Variants in ACSS1 observed in about 807,000 individuals in gnomAD.
ACSS1 encodes acetyl-coenzyme A synthetase 2-like, mitochondrial.
In ACSS1, 42 loss-of-function variants were observed where a neutral mutation model predicts 75.3. That is an observed-to-expected ratio of 0.56 (90% CI 0.44 to 0.72). The LOEUF is 0.72. ACSS1 is among the 30% of genes least tolerant of loss of function. The pLI is 0.00. For synonymous variants in ACSS1, 380 were observed against 376.8 expected, an observed-to-expected ratio of 1.01 and a Z score of -0.10; for missense variants, 782 against 935.7, an observed-to-expected ratio of 0.84 and a Z score of 2.14.
intron 8 of ACSS1, 68 bp from the exon 9 acceptor site, chr20:25,014,141 G>C (rs2088474106): frequency 7.5e-7 from 1 of 1,329,964 alleles, no homozygotes; most frequent in Non-Finnish European, 1.0e-6. Flanking sequence ...TCCAGAGTGG[G>C]TGGTAGGTGG....
intron 3 of ACSS1, among the ~76,000 whole-genome samples, chr20:25,026,975 A>G (rs1406530815): frequency 6.6e-6 from 1 of 152,244 alleles, no homozygotes; most frequent in Non-Finnish European, 1.5e-5. Context: ...GTTTCAAACA[A>G]TCTCAACAGA....
chr20:25,013,811 C>T (rs2088465514), intron 9 of ACSS1, 149 bp from the exon 10 acceptor site: 2 of 1,328,400 alleles, frequency 1.5e-6, no homozygotes, highest in Admixed American at 2.2e-5. Context: ...GGCCACTACC[C>T]AGTGCATGAT....
In ACSS1 at chr20:25,057,999, C is replaced by T; in HGVS notation, c.104G>A (p.Arg35His). 6.7e-7 allele frequency: 1 copy of T among 1,499,088 alleles called. No homozygotes were observed. The allele number at this position is 1,499,088 out of a possible 1,614,324, so 92.9% of individuals were successfully genotyped here. A position where few individuals can be genotyped will look rare whatever the true frequency, so the allele number is the denominator to read the frequency against. ...ARPPCGVSAP[R>H]RAASGPSGSA... ...GCCCGAGGGTCCCGAGGCCGCCCTG[C>T]GCGGCGCGCTCACCCCGCACGGCGG... is the stretch of plus-strand genomic sequence containing the variant. Residue 35 changes from arginine (R) to histidine (H), a missense_variant, in exon 1 of 14, where the codon CGC (arginine) becomes CAC (histidine). This residue lies in a region of ACSS1 where 377 missense variants were observed against 383.1 expected (regional missense o/e 0.98). Coordinates refer to ENST00000323482, the MANE Select transcript of ACSS1 (RefSeq NM_032501.4).
chr20:25,013,769 T>A, intron 9 of ACSS1, 107 bp from the exon 10 acceptor site: 1 of 1,458,330 alleles, frequency 6.9e-7, no homozygotes. Flanking sequence ...CTCTCCCCTC[T>A]GCCCCTGAGG....
chr20:25,027,654 G>C (rs2088744905), intron 3 of ACSS1, among the ~76,000 whole-genome samples: 1 of 151,804 alleles, frequency 6.6e-6, no homozygotes, highest in South Asian at 2.1e-4. Flanking sequence ...AAAACCCACA[G>C]CTAACATCAT....
Position 25,013,524 on chromosome 20 carries a change from C to A in ACSS1, c.1579+12G>T. 6.3e-7 allele frequency: 1 copy of A among 1,581,426 alleles called. No individual in the cohort carries two copies. Among genetic ancestry groups the A allele is most frequent in the Non-Finnish European group, 8.6e-7 (1 of 1,157,974 alleles). On this transcript the variant is annotated intron_variant, in intron 10 of 13. Coordinates refer to ENST00000323482, the MANE Select transcript of ACSS1 (RefSeq NM_032501.4). ...TGAAAAGGAATGAGAGGGTCCCTGACAGCCTGCTCACCTGGGTAGGCCTTG... is the reference window on the plus strand; with the variant it reads ...TGAAAAGGAATGAGAGGGTCCCTGAAAGCCTGCTCACCTGGGTAGGCCTTG...
At chr20:25,045,551 CG>C (rs113506528) in intron 2 of ACSS1, among the ~76,000 whole-genome samples, 3 of 152,352 alleles carry the variant, frequency 2.0e-5, no homozygotes, top group Admixed American at 6.5e-5. Context: ...ACCAGCCCCA[CG>C]GGGTTTCTTT....
chr20:25,043,468 G>A (rs112266070), intron 2 of ACSS1, among the ~76,000 whole-genome samples: 241 of 152,298 alleles, frequency 1.6e-3, no homozygotes, highest in African/African-American at 5.6e-3. Flanking sequence ...GCAGGCCTCC[G>A]CATCAGGTGC....
In ACSS1 at chr20:25,013,679, T is replaced by C; in HGVS notation, c.1453-17A>G. On this transcript the variant is annotated splice_polypyrimidine_tract_variant and intron_variant, in intron 9 of 13. Transcript: ENST00000323482. ...GACGCTGCCCTGTAGACCCCGGACA[T>C]GCAAGTGAGACAGGGCAGGCTCTGG... is the stretch of plus-strand genomic sequence containing the variant. 5 of 1,586,540 alleles carry C rather than the reference T, an allele frequency of 3.2e-6. No individual in the cohort carries two copies. The highest frequency in any genetic ancestry group is 3.4e-6 in the Non-Finnish European group (4 of 1,164,998).
At chr20:25,051,082 C>G (rs975557535) in intron 1 of ACSS1, among the ~76,000 whole-genome samples, 2 of 152,228 alleles carry the variant, frequency 1.3e-5, no homozygotes, top group Non-Finnish European at 2.9e-5. Context: ...CTGGTGAGCT[C>G]CCCTGCCCTC....
rs1028812865 is a variant in ACSS1, at chr20:25,015,238, C to G, written c.1247-8G>C. 1 of 1,596,876 alleles carries G rather than the reference C, an allele frequency of 6.3e-7. No individual in the cohort carries two copies. The highest frequency in any genetic ancestry group is 1.3e-5 in the African/African-American group (1 of 74,292). On this transcript the variant is annotated splice_polypyrimidine_tract_variant and splice_region_variant and intron_variant, in intron 7 of 13. Coordinates refer to ENST00000323482, the MANE Select transcript of ACSS1 (RefSeq NM_032501.4). ...AGTTGATGGGCTCTCCCACTGAAACCACACAGAAAGAAAAAGATGTTAACA... is the reference window on the plus strand; with the variant it reads ...AGTTGATGGGCTCTCCCACTGAAACGACACAGAAAGAAAAAGATGTTAACA...
chr20:25,009,985 C>T (rs1600303611), intron 12 of ACSS1: 1 of 152,928 alleles, frequency 6.5e-6, no homozygotes, highest in East Asian at 1.9e-4. Flanking sequence ...CGGGCCAGCC[C>T]ACATTATAGC....
intron 8 of ACSS1, among the ~76,000 whole-genome samples, chr20:25,014,866 C>A (rs748931654): frequency 6.6e-6 from 1 of 152,232 alleles, no homozygotes; most frequent in Non-Finnish European, 1.5e-5. Context: ...CACCTCAGTT[C>A]ACCCTCACCC....
At position 25,008,833 on chromosome 20, in the gene ACSS1, A is replaced by C. The variant is rs542003019; in HGVS notation, c.1890+437T>G. The stretch of plus-strand genomic sequence containing the variant: ...AGCCCCATTTCTGTGACTAGCCTGC[A>C]CATGCCAACATACGAGAGCAGAAGC... On this transcript the variant is annotated intron_variant, in intron 13 of 13. Transcript: ENST00000323482. Among the ~76,000 whole-genome samples, 4 of 152,356 alleles carry C rather than the reference A, an allele frequency of 2.6e-5. No homozygotes were observed. The East Asian group carries it at 5.8e-4, about 22-fold the overall frequency.
intron 2 of ACSS1, 29 bp downstream of exon 2, chr20:25,048,056 C>T (rs751803851): frequency 1.9e-6 from 3 of 1,607,666 alleles, no homozygotes; most frequent in East Asian, 4.5e-5. Flanking sequence ...GCGCCTCCCT[C>T]GCACCTTGAA....
At chr20:25,047,219 G>A (rs2089108019) in intron 2 of ACSS1, among the ~76,000 whole-genome samples, 1 of 152,182 alleles carries the variant, frequency 6.6e-6, no homozygotes, top group South Asian at 2.1e-4. Context: ...GCTGCCCAGT[G>A]TGGACCTGCC....
Position 25,021,405 on chromosome 20 carries a change from T to G in ACSS1, c.1092A>C (p.Pro364=). 1 of 1,614,118 alleles carries G rather than the reference T, an allele frequency of 6.2e-7. No homozygotes were observed. Among genetic ancestry groups the G allele is most frequent in the Non-Finnish European group, 8.5e-7 (1 of 1,179,980 alleles). The change falls in exon 6 of 14, where the codon CCA becomes CCC. Residue 364 remains proline, a synonymous_variant. Coordinates refer to ENST00000323482, the MANE Select transcript of ACSS1 (RefSeq NM_032501.4). ...GATSVLFEST[P]VYPNAGRYWE... ...CATCCTTACCAGCATTGGGATAAAC[T>G]GGGGTGCTCTCAAAAAGGACGCTGG...
intron 1 of ACSS1, among the ~76,000 whole-genome samples, chr20:25,055,867 T>C (rs1038895152): frequency 4.6e-5 from 7 of 152,214 alleles, no homozygotes; most frequent in African/African-American, 1.7e-4. Flanking sequence ...AGAAGAGTCA[T>C]GGCCTGGCCT....
At chr20:25,033,560 AT>A (rs2088862906) in intron 2 of ACSS1, among the ~76,000 whole-genome samples, 1 of 152,256 alleles carries the variant, frequency 6.6e-6, no homozygotes, top group Non-Finnish European at 1.5e-5. Context: ...GTTTTCTAAA[AT>A]GACAAAAACC....
Sources: gnomAD v4.1 joint callset for allele counts (sites outside exome capture counted in the v4.1 genomes callset) on GRCh38, gnomAD v4.1.1 for gene constraint, gnomAD v4.1.1 regional missense constraint, MANE v1.5 for transcripts, NCBI Gene and HGNC (gene_info 2026-07-23, HGNC 2026-07-21) for gene names.